FER1L5: variants seen among roughly 807,000 people sequenced by gnomAD.
The protein encoded by FER1L5 is fer-1-like protein 5.
A neutral mutation model predicts 279.9 loss-of-function variants in FER1L5; 187 were observed. That is an observed-to-expected ratio of 0.67 (90% CI 0.59 to 0.75). The LOEUF is 0.75. Ranked by LOEUF, FER1L5 falls within the 30% of genes least tolerant of loss-of-function variation. FER1L5 has a pLI of 0.00. For missense variants in FER1L5, 2,091 were observed against 2,594.4 expected, an observed-to-expected ratio of 0.81 and a Z score of 4.21; for synonymous variants, 921 against 989.7, an observed-to-expected ratio of 0.93 and a Z score of 1.30.
In FER1L5 at chr2:96,689,600, G is replaced by C; in HGVS notation, c.2526-44G>C. On this transcript the variant is annotated intron_variant, in intron 25 of 52. Transcript: ENST00000624922. The surrounding 1 kb of genome is among the most constrained non-coding windows in gnomAD (Gnocchi z 4.6). ...CCAGCAGAAGACGGCCCTAGGGGCT[G>C]CTTGGGGAGTTGTGCTGGGAACTTG... is the stretch of plus-strand genomic sequence containing the variant. The C allele has an allele frequency of 5.9e-6, 9 of 1,524,402 alleles. No individual in the cohort carries two copies. Among genetic ancestry groups the C allele is most frequent in the Non-Finnish European group, 8.0e-6 (9 of 1,123,056 alleles). 94.4% of individuals were successfully genotyped at this position (1,524,402 alleles called of 1,614,324 possible).
chr2:96,665,174 G>A (rs898623047), intron 14 of FER1L5, among the ~76,000 whole-genome samples: 1 of 152,220 alleles, frequency 6.6e-6, no homozygotes, highest in African/African-American at 2.4e-5. Flanking sequence ...AACTTGAGCT[G>A]AGAGATAACT....
chr2:96,699,484 C>T (rs942207150), intron 42 of FER1L5, 66 bp from the exon 43 acceptor site: 47 of 1,535,608 alleles, frequency 3.1e-5, no homozygotes, highest in East Asian at 4.5e-5. Context: ...GCCGAGACAC[C>T]GGTGAGGGAG....
intron 19 of FER1L5, among the ~76,000 whole-genome samples, chr2:96,675,994 A>G (rs2076497417): frequency 1.3e-5 from 2 of 152,204 alleles, no homozygotes; most frequent in South Asian, 4.1e-4. Flanking sequence ...AAGATCATGA[A>G]AATTGTCTCC....
chr2:96,653,850 C>A, intron 8 of FER1L5, 148 bp downstream of exon 8: 1 of 622,478 alleles, frequency 1.6e-6, no homozygotes, highest in Non-Finnish European at 2.8e-6. Context: ...CCCCTGGCAC[C>A]CAGATTATTC....
At position 96,699,102 on chromosome 2, in the gene FER1L5, T is replaced by C. The variant is rs769750990; in HGVS notation, c.4576T>C (p.Tyr1526His). The change falls in exon 42 of 53, where the codon TAC becomes CAC. Residue 1526 changes from tyrosine to histidine, a missense_variant. Transcript: ENST00000624922. The part of the protein sequence containing the change: ...GKTELGNRDM[Y>H]QPNTLDPIFG... ...GACAGAGCTTGGCAACCGGGACATG[T>C]ACCAGCCCAACACTCTGGATCCCAT... 10 of 1,611,430 alleles carry C rather than the reference T, an allele frequency of 6.2e-6. No individual in the cohort carries two copies. The Admixed American group carries it at 1.7e-4, about 27-fold the overall frequency.
Position 96,700,479 on chromosome 2 carries a change from ACT to A in FER1L5, c.5070+9_5070+10del, listed in dbSNP as rs1225677680. 1 of 1,612,812 alleles carries A rather than the reference ACT, an allele frequency of 6.2e-7. No homozygotes were observed. Among genetic ancestry groups the A allele is most frequent in the Admixed American group, 1.7e-5 (1 of 60,024 alleles). On this transcript the variant is annotated intron_variant, in intron 45 of 52. Coordinates refer to ENST00000624922, the MANE Select transcript of FER1L5 (RefSeq NM_001293083.2). ...CAGCCAGGCATCGACCAGGTATGAG[ACT>A]GGAGGGGCCACTCCTGGCTCCTACA...
At chr2:96,669,211 G>A (rs998689933) in intron 17 of FER1L5, 74 bp downstream of exon 17, 10 of 1,389,956 alleles carry the variant, frequency 7.2e-6, no homozygotes, top group South Asian at 1.4e-5. Flanking sequence ...GGCCTGGGAC[G>A]TGCCCCGAGG....
chr2:96,643,023 C>A, intron 1 of FER1L5, 102 bp downstream of exon 1: 1 of 964,492 alleles, frequency 1.0e-6, no homozygotes, highest in South Asian at 1.8e-5. Flanking sequence ...TAAAAGATGC[C>A]CTGTGTAACA....
Position 96,698,659 on chromosome 2 carries a change from TC to T in FER1L5, c.4357-6del, listed in dbSNP as rs1433421715. On this transcript the variant is annotated splice_polypyrimidine_tract_variant and intron_variant, in intron 40 of 52. Transcript: ENST00000624922. This position sits in a 1 kb window ranked among gnomAD's most constrained non-coding sequence, Gnocchi z 5.5. ...CTGCCAGGCTGGGCCCCCAACACCC[TC>T]CCCCCGCCAGGGCCTTTTCCGCATC... 1.9e-6 allele frequency: 3 copies of T among 1,568,528 alleles called. No individual in the cohort carries two copies. The highest frequency in any genetic ancestry group is 1.4e-5 in the African/African-American group (1 of 72,914).
intron 43 of FER1L5, 89 bp downstream of exon 43, chr2:96,699,809 G>A (rs756442515): frequency 1.8e-5 from 28 of 1,579,078 alleles, no homozygotes; most frequent in Non-Finnish European, 2.0e-5. Flanking sequence ...CATCCTGGGC[G>A]GGAACCAGGG....
In FER1L5 at chr2:96,691,258, T is replaced by A. The variant is rs1265410658; in HGVS notation, c.2812T>A (p.Tyr938Asn). 1.3e-6 allele frequency: 2 copies of A among 1,550,354 alleles called. No homozygotes were observed. The highest frequency in any genetic ancestry group is 2.0e-5 in the Admixed American group (1 of 50,976). The change falls in exon 28 of 53, where the codon TAC becomes AAC. Residue 938 changes from tyrosine to asparagine, a missense_variant. By Grantham distance (143) the Tyr-to-Asn change is moderately radical. Transcript: ENST00000624922. This position sits in a 1 kb window ranked among gnomAD's most constrained non-coding sequence, Gnocchi z 6.0. ...GGTCTGGAGCCCGGTGGAGAAGACC[T>A]ACCACTCGTGCCGCCGCCGGCGCTG... The part of the protein sequence containing the change: ...PQVWSPVEKT[Y>N]HSCRRRRWAR...
intron 1 of FER1L5, among the ~76,000 whole-genome samples, chr2:96,643,641 C>A (rs895402010): frequency 6.6e-6 from 1 of 151,882 alleles, no homozygotes; most frequent in Non-Finnish European, 1.5e-5. Flanking sequence ...TGAGCCACCG[C>A]GCCCAGCCTA....
At chr2:96,667,902 C>T (rs1278021480) in intron 14 of FER1L5, among the ~76,000 whole-genome samples, 2 of 152,086 alleles carry the variant, frequency 1.3e-5, no homozygotes, top group East Asian at 3.9e-4. Flanking sequence ...ACTCTGTCAC[C>T]CAGGTTGGAG....
chr2:96,649,395 A>T (rs1403890066), intron 4 of FER1L5, among the ~76,000 whole-genome samples: 1 of 151,984 alleles, frequency 6.6e-6, no homozygotes, highest in Admixed American at 6.6e-5. Context: ...TGGCTGCTTT[A>T]ATCTACAAAC....
rs1030536801 is a variant in FER1L5 at position 96,652,186 on chromosome 2, A to G, written c.633+166A>G. 1.4e-5 allele frequency: 13 copies of G among 961,278 alleles called. No individual in the cohort carries two copies. The East Asian group carries it at 1.6e-4, about 12-fold the overall frequency. 59.5% of individuals were successfully genotyped at this position (961,278 alleles called of 1,614,324 possible). A position where few individuals can be genotyped will look rare whatever the true frequency, so the allele number is the denominator to read the frequency against. On this transcript the variant is annotated intron_variant, in intron 7 of 52. Coordinates refer to ENST00000624922, the MANE Select transcript of FER1L5 (RefSeq NM_001293083.2). ...AAGCACTGAAAATACAGAACAGTAT[A>G]ACTCAGAGCCCTGTATCTGAGGAGC...
chr2:96,686,427 GC>G (rs1361585018), intron 23 of FER1L5, 77 bp downstream of exon 23: 4 of 1,457,708 alleles, frequency 2.7e-6, no homozygotes, highest in Non-Finnish European at 3.7e-6. Context: ...TCGCAGGGCA[GC>G]CCCTATGGGG....
intron 9 of FER1L5, 191 bp downstream of exon 9, chr2:96,654,687 C>T (rs866124467): frequency 2.2e-4 from 73 of 332,672 alleles, no homozygotes; most frequent in African/African-American, 1.4e-3. Flanking sequence ...ATCACGAGGT[C>T]AGGAGATCGA....
rs2077281382 is a variant in FER1L5, at chr2:96,694,386, C to A, written c.3663C>A (p.Ile1221=). The change falls in exon 34 of 53, where the codon ATC becomes ATA. Residue 1221 remains isoleucine (I), a synonymous_variant. Coordinates refer to ENST00000624922, the MANE Select transcript of FER1L5 (RefSeq NM_001293083.2). This position sits in a 1 kb window ranked among gnomAD's most constrained non-coding sequence, Gnocchi z 4.6. ...AGCTTGGAGAGAAGCAGCTGCCTATCTTAAGCGTTCCCTGGAAGAATGGGG... is the reference window on the plus strand; with the variant it reads ...AGCTTGGAGAGAAGCAGCTGCCTATATTAAGCGTTCCCTGGAAGAATGGGG... ...TEKLGEKQLP[I]LSVPWKNGAY... The A allele has an allele frequency of 2.6e-6, 4 of 1,550,534 alleles. No homozygotes were observed. Among genetic ancestry groups the A allele is most frequent in the Non-Finnish European group, 3.5e-6 (4 of 1,146,496 alleles).
chr2:96,671,106 C>CAAAAAAAAAAA (rs750341048), intron 18 of FER1L5, among the ~76,000 whole-genome samples: 1,788 of 40,118 alleles, frequency 0.045, 419 homozygotes, highest in Middle Eastern at 0.12. Flanking sequence ...GACTCCATCT[C>CAAAAAAAAAAA]AAAAAAAAAA....
Sources: allele counts gnomAD v4.1 joint callset (sites outside exome capture counted in the v4.1 genomes callset), GRCh38; gene constraint gnomAD v4.1.1; non-coding constraint Gnocchi (gnomAD v3.1); transcripts MANE v1.5; gene names NCBI Gene and HGNC (gene_info 2026-07-23, HGNC 2026-07-21).